The following BAZ2A variants were observed in gnomAD, a reference collection of about 807,000 sequenced individuals.
The protein encoded by BAZ2A is bromodomain adjacent to zinc finger domain protein 2A.
BAZ2A carries 34 observed loss-of-function variants against 199.9 expected under a neutral mutation model. The observed-to-expected ratio is 0.17, with a 90% CI of 0.13 to 0.23. The LOEUF (loss-of-function observed/expected upper bound fraction) is 0.23, where lower values mean the gene tolerates loss of function less well. Ranked by LOEUF, BAZ2A falls within the 10% of genes least tolerant of loss-of-function variation. BAZ2A has a pLI of 1.00. For synonymous variants in BAZ2A, 857 were observed against 883.9 expected (o/e 0.97, Z 0.54); for missense variants, 2,002 against 2,391.1 (o/e 0.84, Z 3.39).
intron 7 of BAZ2A, among the ~76,000 whole-genome samples, chr12:56,611,090 G>A (rs1375539865): frequency 1.3e-5 from 2 of 152,154 alleles, no homozygotes; most frequent in Non-Finnish European, 2.9e-5. Flanking sequence ...CAGGGGTGGG[G>A]AAGATCCAGG....
In BAZ2A at chr12:56,601,991, C is replaced by A; in HGVS notation, c.3626G>T (p.Gly1209Val). 1 of 1,556,582 alleles carries A rather than the reference C, an allele frequency of 6.4e-7. No homozygotes were observed. The highest frequency in any genetic ancestry group is 1.4e-5 in the African/African-American group (1 of 73,302). ...QPRHLKSPVR[G>V]QDSEQPQAQL... Reference sequence around the variant, plus strand: ...GGCCTGGGGCTGTTCTGAATCCTGACCCCTGACAGGGGACTTAAGATGCCT... The same window carrying A: ...GGCCTGGGGCTGTTCTGAATCCTGAACCCTGACAGGGGACTTAAGATGCCT... Residue 1209 changes from glycine to valine, a missense_variant, in exon 20 of 29, where the codon GGT becomes GTT. By Grantham distance (109) the Gly-to-Val change is moderately radical. This residue lies in a region of BAZ2A where 1,081 missense variants were observed against 1,274.7 expected (regional missense o/e 0.85). Transcript: ENST00000549884.
chr12:56,636,291 G>A, exon 1 of BAZ2A: 7 of 1,519,742 alleles, frequency 4.6e-6, no homozygotes, highest in Non-Finnish European at 6.2e-6. Flanking sequence ...TGTGAGCTGG[G>A]AACTAGCAAG....
At chr12:56,615,956 T>G (rs746014063) in intron 2 of BAZ2A, among the ~76,000 whole-genome samples, 3 of 152,162 alleles carry the variant, frequency 2.0e-5, no homozygotes, top group Non-Finnish European at 2.9e-5. Context: ...CAGGCTGGAG[T>G]GCAGTGGTGC....
chr12:56,610,627 T>G, intron 7 of BAZ2A, 110 bp from the exon 8 acceptor site: 35 of 889,690 alleles, frequency 3.9e-5, no homozygotes, highest in Non-Finnish European at 5.4e-5. Flanking sequence ...TTTGTATCTC[T>G]AGAACTGCAT....
In BAZ2A at chr12:56,635,742, G is replaced by A. The variant is rs777100735; in HGVS notation, c.4+440C>T. 7.9e-5 allele frequency among the ~76,000 whole-genome samples: 12 copies of A among 152,184 alleles called. No individual in the cohort carries two copies. Among genetic ancestry groups the A allele is most frequent in the Non-Finnish European group, 1.8e-4 (12 of 68,036 alleles). The stretch of plus-strand genomic sequence containing the variant: ...CCCCACCTGAAGGTGGGTCAAGGTG[G>A]GGGAGGAGAGAAGACAGACTTAAAA... On this transcript the variant is annotated intron_variant, in intron 1 of 29. Transcript: ENST00000379441. The surrounding 1 kb of genome is among the most constrained non-coding windows in gnomAD (Gnocchi z 4.1).
chr12:56,603,156 C>T (rs1325507304), intron 18 of BAZ2A, among the ~76,000 whole-genome samples: 1 of 152,208 alleles, frequency 6.6e-6, no homozygotes, highest in Non-Finnish European at 1.5e-5. Flanking sequence ...TGGCTCCTGC[C>T]TGTAGTCCCA....
chr12:56,604,269 T>C lies in BAZ2A; in HGVS notation c.2986A>G (p.Ser996Gly), dbSNP rs1236011754. Residue 996 changes from serine to glycine, a missense_variant, in exon 16 of 29, where the codon AGT becomes GGT. Around this residue, in one of 6 missense-constraint regions of BAZ2A, gnomAD observed 1,081 missense variants for 1,274.7 expected, o/e 0.85. Transcript: ENST00000549884. Reference sequence around the variant, plus strand: ...TTGTTTTTCCTGTAGCTGGACATACTCTCCAGAGTCTTGTCAATCTCACTG... The same window carrying C: ...TTGTTTTTCCTGTAGCTGGACATACCCTCCAGAGTCTTGTCAATCTCACTG... ...IINEIDKTLE[S>G]MSSYRKNKWI... 10 of 1,608,336 alleles carry C rather than the reference T, an allele frequency of 6.2e-6. No individual in the cohort carries two copies. The Admixed American group carries it at 6.7e-5, about 11-fold the overall frequency.
At chr12:56,609,563 T>C (rs80006588) in intron 10 of BAZ2A, among the ~76,000 whole-genome samples, 173 bp downstream of exon 10, 1,596 of 152,286 alleles carry the variant, frequency 0.01, 31 homozygotes, top group African/African-American at 0.035. Context: ...GGAAAAGTAG[T>C]ATTCCCAAGC....
chr12:56,611,388 A>G, intron 7 of BAZ2A, 185 bp downstream of exon 7: 1 of 649,272 alleles, frequency 1.5e-6, no homozygotes, highest in Non-Finnish European at 2.6e-6. Context: ...ACAGACCTTG[A>G]GAGAAGAAGG....
chr12:56,605,412 A>C lies in BAZ2A; in HGVS notation c.2494-85T>G, dbSNP rs559230245. On this transcript the variant is annotated intron_variant, in intron 13 of 28. Transcript: ENST00000549884. ...ATGTCTACAAGAGGTTCTTCCTTTAATTTTTATGTAATTTTTTTTTTTTTT... is the reference window on the plus strand; with the variant it reads ...ATGTCTACAAGAGGTTCTTCCTTTACTTTTTATGTAATTTTTTTTTTTTTT... The C allele has an allele frequency of 9.2e-5, 123 of 1,337,056 alleles. No individual in the cohort carries two copies. In the African/African-American group the frequency reaches 1.8e-3, roughly 19 times the overall value. 82.8% of individuals were successfully genotyped at this position (1,337,056 alleles called of 1,614,324 possible).
At chr12:56,625,863 G>T (rs1421432239) in intron 1 of BAZ2A, among the ~76,000 whole-genome samples, 3 of 100,828 alleles carry the variant, frequency 3.0e-5, no homozygotes, top group Non-Finnish European at 5.3e-5. Context: ...GCGACACAGC[G>T]AAACTCCGTC....
chr12:56,614,433 TAC>T (rs1037841942), intron 3 of BAZ2A: 1 of 317,498 alleles, frequency 3.1e-6, no homozygotes, highest in African/African-American at 2.1e-5. Context: ...CCTGTAATTT[TAC>T]AGAGTGGTGG....
chr12:56,616,503 G>T (rs780015942), intron 2 of BAZ2A, among the ~76,000 whole-genome samples: 11 of 152,204 alleles, frequency 7.2e-5, no homozygotes, highest in Non-Finnish European at 1.2e-4. Context: ...GGCATTGGAA[G>T]GTAATATGCC....
chr12:56,612,352 A>C (rs1159277602), intron 5 of BAZ2A, 106 bp from the exon 6 acceptor site: 1 of 966,444 alleles, frequency 1.0e-6, no homozygotes, highest in Non-Finnish European at 1.5e-6. Flanking sequence ...GGGTTACTTC[A>C]AGGGGTCTTC....
chr12:56,613,689 T>A (rs748611299), intron 4 of BAZ2A, among the ~76,000 whole-genome samples: 4 of 152,194 alleles, frequency 2.6e-5, no homozygotes, highest in African/African-American at 9.6e-5. Flanking sequence ...TGTGTGATAA[T>A]AAGTCCCTAC....
At position 56,602,533 on chromosome 12, in the gene BAZ2A, G is replaced by A. The variant is rs571540950; in HGVS notation, c.3424+180C>T. Among the ~76,000 whole-genome samples, 11 of 152,318 alleles carry A rather than the reference G, an allele frequency of 7.2e-5. No homozygotes were observed. The South Asian group carries it at 1.4e-3, about 20-fold the overall frequency. On this transcript the variant is annotated intron_variant, in intron 19 of 28. Transcript: ENST00000549884. ...TCTCAACTTCACAAATGAAGAAACA[G>A]AATCATACAGCTGGAAATGGCAGAG...
rs192376943 is a variant in BAZ2A, at chr12:56,621,900, T to C, written c.-2-4368A>G. 2.9e-3 allele frequency among the ~76,000 whole-genome samples: 437 copies of C among 152,128 alleles called. 2 individuals carry two copies. Among genetic ancestry groups the C allele is most frequent in the Non-Finnish European group, 4.8e-3 (324 of 67,978 alleles). ...ACACAGGGTCTCGCTATGTTGCCCA[T>C]GATGGTCTCAAATTCCTGGCCTCAA... is the stretch of plus-strand genomic sequence containing the variant. On this transcript the variant is annotated intron_variant, in intron 1 of 28. Transcript: ENST00000549884.
upstream of BAZ2A, chr12:56,630,356 T>A (rs969395279): frequency 2.3e-6 from 2 of 869,214 alleles, no homozygotes; most frequent in Admixed American, 6.2e-5. Flanking sequence ...CGGAGAAGCC[T>A]CGGCCGGGAG....
In BAZ2A at chr12:56,610,584, G is replaced by T. The variant is rs779052811; in HGVS notation, c.1671-67C>A. ...CTACCCACTCCCATGCCACCTAAGC[G>T]CGAAGCCCTCTGAGCAGATGGCCCT... On this transcript the variant is annotated intron_variant, in intron 7 of 28. Coordinates refer to ENST00000549884, the MANE Select transcript of BAZ2A (RefSeq NM_001300905.2). The T allele has an allele frequency of 7.6e-6, 11 of 1,448,982 alleles. No individual in the cohort carries two copies. In the African/African-American group the frequency reaches 1.5e-4, roughly 20 times the overall value. 89.8% of individuals were successfully genotyped at this position (1,448,982 alleles called of 1,614,324 possible).
Sources: allele counts gnomAD v4.1 joint callset (sites outside exome capture counted in the v4.1 genomes callset), GRCh38; gene constraint gnomAD v4.1.1; regional missense constraint gnomAD v4.1.1; non-coding constraint Gnocchi (gnomAD v3.1); transcripts MANE v1.5; gene names NCBI Gene and HGNC (gene_info 2026-07-23, HGNC 2026-07-21).